DFFA: variants seen among roughly 807,000 people sequenced by gnomAD.
The protein encoded by DFFA is DFF45.
DFFA carries 14 observed loss-of-function variants against 28.0 expected under a neutral mutation model. The ratio of observed to expected loss-of-function variants is 0.50; its 90% confidence interval spans 0.33 to 0.78. The LOEUF is 0.78. Among genes scored for constraint, DFFA ranks in the 30% least tolerant of loss-of-function variants. The pLI is 0.02. For synonymous variants in DFFA, 158 were observed against 170.3 expected (o/e 0.93, Z 0.56); for missense variants, 395 against 407.1 (o/e 0.97, Z 0.26).
At chr1:10,467,671 C>G (rs567179671) in intron 2 of DFFA, among the ~76,000 whole-genome samples, 39 of 152,166 alleles carry the variant, frequency 2.6e-4, no homozygotes, top group Admixed American at 2.4e-3. Context: ...CCACCATGAC[C>G]AGCTAATTTT....
At chr1:10,470,957 G>A (rs1335123940) in intron 1 of DFFA, among the ~76,000 whole-genome samples, 1 of 150,222 alleles carries the variant, frequency 6.7e-6, no homozygotes. Flanking sequence ...CAGCTACTCG[G>A]GAGGCTGAAG....
Position 10,463,164 on chromosome 1 carries a change from C to T in DFFA, c.677G>A (p.Gly226Asp). The T allele has an allele frequency of 6.2e-7, 1 of 1,614,192 alleles. No individual in the cohort carries two copies. The highest frequency in any genetic ancestry group is 8.5e-7 in the Non-Finnish European group (1 of 1,180,042). ...GTCCGAGGAGGTCTCTCTGCTGATA[C>T]CCGTGTCTACTGCATCCACCTCCTC... The part of the protein sequence containing the change: ...FGEEVDAVDT[G>D]ISRETSSDVA... Residue 226 changes from glycine to aspartate, a missense_variant, in exon 5 of 6, where the codon GGT (glycine) becomes GAT (aspartate). By Grantham distance (94) the Gly-to-Asp change is moderately conservative (BLOSUM62 -1). Coordinates refer to ENST00000377038, the MANE Select transcript of DFFA (RefSeq NM_004401.3).
Position 10,461,394 on chromosome 1 carries a change from G to T in DFFA, c.*96C>A. 6.7e-7 allele frequency: 1 copy of T among 1,488,432 alleles called. No homozygotes were observed. The highest frequency in any genetic ancestry group is 9.0e-7 in the Non-Finnish European group (1 of 1,112,930). 92.2% of individuals were successfully genotyped at this position (1,488,432 alleles called of 1,614,324 possible). A position where few individuals can be genotyped will look rare whatever the true frequency, so the allele number is the denominator to read the frequency against. On this transcript the variant is annotated 3_prime_UTR_variant, in exon 6 of 6. Transcript: ENST00000377038. ...TCTCTGGAAGGTGCTCTAAGGCAGG[G>T]GGTAGAGTAGTACATAGGTAGTCAA...
intron 4 of DFFA, 61 bp from the exon 5 acceptor site, chr1:10,463,270 C>T: frequency 6.3e-7 from 1 of 1,590,236 alleles, no homozygotes; most frequent in East Asian, 2.3e-5. Flanking sequence ...ACATGAACAA[C>T]TCGCCAGAAT....
rs1026360840 is a variant in DFFA, at chr1:10,459,879, T to A, written c.*1611A>T. 1 of 152,058 alleles carries A rather than the reference T, an allele frequency of 6.6e-6. No homozygotes were observed. Among genetic ancestry groups the A allele is most frequent in the African/African-American group, 2.4e-5 (1 of 41,412 alleles). 9.4% of individuals were successfully genotyped at this position (152,058 alleles called of 1,614,324 possible). A position where few individuals can be genotyped will look rare whatever the true frequency, so the allele number is the denominator to read the frequency against. On this transcript the variant is annotated 3_prime_UTR_variant, in exon 6 of 6. Transcript: ENST00000377038. ...ATAGGTCAGTGCCACCATGCCTGGC[T>A]AACTTAAATTTTTTTTTTGTAGAGA...
At chr1:10,466,407 T>C (rs998998550) in intron 3 of DFFA, among the ~76,000 whole-genome samples, 6 of 151,864 alleles carry the variant, frequency 4.0e-5, no homozygotes, top group Non-Finnish European at 8.8e-5. Flanking sequence ...GCCAGGATGG[T>C]CTCGATCTCC....
In DFFA at chr1:10,467,191, T is replaced by G. The variant is rs1356912595; in HGVS notation, c.440A>C (p.Gln147Pro). ...SIILLSEEDL[Q>P]MLVDAPCSDL... ...TGCAGGTTGTGGAGGAGGCTTTACC[T>G]GGAGGTCCTCCTCTGATAGGAGGAT... is the stretch of plus-strand genomic sequence containing the variant. Residue 147 changes from glutamine (Q) to proline (P), a missense_variant and splice_region_variant, in exon 3 of 6, where the codon CAG (glutamine) becomes CCG (proline). Transcript: ENST00000377038. 1 of 1,613,936 alleles carries G rather than the reference T, an allele frequency of 6.2e-7. No homozygotes were observed. Among genetic ancestry groups the G allele is most frequent in the African/African-American group, 1.3e-5 (1 of 74,906 alleles).
At chr1:10,464,678 G>A (rs1640998853) in intron 3 of DFFA, among the ~76,000 whole-genome samples, 1 of 152,156 alleles carries the variant, frequency 6.6e-6, no homozygotes, top group Non-Finnish European at 1.5e-5. Context: ...TTGCACTACT[G>A]CACTCCAGCC....
rs753605135 is a variant in DFFA at position 10,469,271 on chromosome 1, G to A, written c.204C>T (p.Thr68=). 8 of 1,614,012 alleles carry A rather than the reference G, an allele frequency of 5.0e-6. No homozygotes were observed. In the East Asian group the frequency reaches 1.1e-4, roughly 22 times the overall value. ...PVTLVLAEDG[T]IVDDDDYFLC... ...GAAAGTAATCGTCATCATCCACTAT[G>A]GTGCCATCCTCTGCCAGGACCAGGG... Residue 68 remains threonine, a synonymous_variant, in exon 2 of 6, where the codon ACC becomes ACT. Coordinates refer to ENST00000377038, the MANE Select transcript of DFFA (RefSeq NM_004401.3).
chr1:10,461,451 C>T lies in DFFA; in HGVS notation c.*39G>A. 1 of 1,588,184 alleles carries T rather than the reference C, an allele frequency of 6.3e-7. No homozygotes were observed. The highest frequency in any genetic ancestry group is 8.6e-7 in the Non-Finnish European group (1 of 1,166,070). On this transcript the variant is annotated 3_prime_UTR_variant, in exon 6 of 6. Coordinates refer to ENST00000377038, the MANE Select transcript of DFFA (RefSeq NM_004401.3). ...AGGCTGAGGGTGTCTACCAATAACA[C>T]AACGCCACAGAGCTTCCTTGGCACA... is the stretch of plus-strand genomic sequence containing the variant.
At chr1:10,469,580 G>T (rs1300019632) in intron 1 of DFFA, among the ~76,000 whole-genome samples, 1 of 152,094 alleles carries the variant, frequency 6.6e-6, no homozygotes, top group Admixed American at 6.6e-5. Flanking sequence ...CAGTGCACTG[G>T]CGCGATCTCG....
rs1462171286 is a variant in DFFA, at chr1:10,459,349, G to C, written c.*2141C>G. The C allele has an allele frequency of 1.3e-5, 2 of 152,232 alleles. No homozygotes were observed. The highest frequency in any genetic ancestry group is 3.9e-4 in the East Asian group (2 of 5,188). The allele number at this position is 152,232 out of a possible 1,614,324, so 9.4% of individuals were successfully genotyped here. On this transcript the variant is annotated 3_prime_UTR_variant, in exon 6 of 6. Coordinates refer to ENST00000377038, the MANE Select transcript of DFFA (RefSeq NM_004401.3). Reference sequence around the variant, plus strand: ...GACAGGAGGAGGACAAACCAGGCTTGCTCTGCTTCACACCCAGAGACCTGG... The same window carrying C: ...GACAGGAGGAGGACAAACCAGGCTTCCTCTGCTTCACACCCAGAGACCTGG...
chr1:10,467,182 G>A lies in DFFA; in HGVS notation c.441+8C>T, dbSNP rs1430342133. On this transcript the variant is annotated splice_region_variant and intron_variant, in intron 3 of 5. Coordinates refer to ENST00000377038, the MANE Select transcript of DFFA (RefSeq NM_004401.3). The stretch of plus-strand genomic sequence containing the variant: ...GAACATTGTTGCAGGTTGTGGAGGA[G>A]GCTTTACCTGGAGGTCCTCCTCTGA... 1 of 1,614,052 alleles carries A rather than the reference G, an allele frequency of 6.2e-7. No homozygotes were observed. Among genetic ancestry groups the A allele is most frequent in the African/African-American group, 1.3e-5 (1 of 75,020 alleles).
intron 5 of DFFA, chr1:10,462,307 T>C (rs983818133): frequency 2.3e-6 from 1 of 437,784 alleles, no homozygotes; most frequent in Non-Finnish European, 3.0e-6. Context: ...AATTTTTGTA[T>C]TTTTAGTAGA....
At position 10,472,239 on chromosome 1, in the gene DFFA, C is replaced by A; in HGVS notation, c.136+84G>T. On this transcript the variant is annotated intron_variant, in intron 1 of 5. Coordinates refer to ENST00000377038, the MANE Select transcript of DFFA (RefSeq NM_004401.3). The surrounding 1 kb of genome is among the most constrained non-coding windows in gnomAD (Gnocchi z 5.0). ...CGAGATACAAGAATCCCCAAGTCGC[C>A]TCTCCTGACCCCGCCTCGCCCCCGC... is the stretch of plus-strand genomic sequence containing the variant. The A allele has an allele frequency of 6.8e-7, 1 of 1,463,902 alleles. No homozygotes were observed. 90.7% of individuals were successfully genotyped at this position (1,463,902 alleles called of 1,614,324 possible).
At position 10,463,617 on chromosome 1, in the gene DFFA, G is replaced by A. The variant is rs1486964405; in HGVS notation, c.445C>T (p.Leu149Phe). ...ILLSEEDLQMLVDAPCSDLAQ... is the reference protein window; with the variant it reads ...ILLSEEDLQMFVDAPCSDLAQ... The stretch of plus-strand genomic sequence containing the variant: ...AGGTCTGAGCAGGGAGCGTCAACAA[G>A]CATCTAACAAACAAACACAGACGCT... Residue 149 changes from leucine (L) to phenylalanine (F), a missense_variant, in exon 4 of 6, where the codon CTT (leucine) becomes TTT (phenylalanine). Leu to Phe is a conservative substitution (Grantham distance 22, BLOSUM62 0). Coordinates refer to ENST00000377038, the MANE Select transcript of DFFA (RefSeq NM_004401.3). 3 of 1,607,954 alleles carry A rather than the reference G, an allele frequency of 1.9e-6. No homozygotes were observed. The highest frequency in any genetic ancestry group is 1.1e-5 in the South Asian group (1 of 90,054).
chr1:10,463,139 G>A lies in DFFA; in HGVS notation c.702C>T (p.Asp234=), dbSNP rs369167862. ...TAAGGATGTGGCTCGCCAGCGCAAC[G>A]TCCGAGGAGGTCTCTCTGCTGATAC... The part of the protein sequence containing the change: ...DTGISRETSS[D]VALASHILTA... The change falls in exon 5 of 6, where the codon GAC becomes GAT. Residue 234 remains aspartate (D), a synonymous_variant. Coordinates refer to ENST00000377038, the MANE Select transcript of DFFA (RefSeq NM_004401.3). The A allele has an allele frequency of 8.2e-5, 132 of 1,613,956 alleles. No homozygotes were observed. Among genetic ancestry groups the A allele is most frequent in the East Asian group, 1.6e-4 (7 of 44,884 alleles).
intron 3 of DFFA, among the ~76,000 whole-genome samples, chr1:10,466,315 C>G (rs1284588937): frequency 6.6e-6 from 1 of 152,140 alleles, no homozygotes; most frequent in Non-Finnish European, 1.5e-5. Flanking sequence ...TCCCGAGTAG[C>G]TGGGACTACA....
In DFFA at chr1:10,472,529, C is replaced by T; in HGVS notation, c.-71G>A. 6.7e-7 allele frequency: 1 copy of T among 1,501,662 alleles called. No individual in the cohort carries two copies. The highest frequency in any genetic ancestry group is 2.5e-5 in the East Asian group (1 of 39,428). 93.0% of individuals were successfully genotyped at this position (1,501,662 alleles called of 1,614,324 possible). A position where few individuals can be genotyped will look rare whatever the true frequency, so the allele number is the denominator to read the frequency against. ...CCGGAGCGGCGGTCCTTCTACTCGA[C>T]CCCCTTCCGCAGCCTGCCGGGAGAT... On this transcript the variant is annotated 5_prime_UTR_variant, in exon 1 of 6. Coordinates refer to ENST00000377038, the MANE Select transcript of DFFA (RefSeq NM_004401.3). This position sits in a 1 kb window ranked among gnomAD's most constrained non-coding sequence, Gnocchi z 5.0.
Sources: gnomAD v4.1 joint callset for allele counts (sites outside exome capture counted in the v4.1 genomes callset) on GRCh38, gnomAD v4.1.1 for gene constraint, Gnocchi (gnomAD v3.1) non-coding constraint, MANE v1.5 for transcripts, NCBI Gene and HGNC (gene_info 2026-07-23, HGNC 2026-07-21) for gene names.